The following MCF2L variants were observed in gnomAD, a reference collection of about 807,000 sequenced individuals.
MCF2L encodes the protein MCF.2 cell line derived transforming sequence like, also known as guanine nucleotide exchange factor DBS.
Under a neutral mutation model 153.4 loss-of-function variants are expected in MCF2L, and 97 were observed. That is an observed-to-expected ratio of 0.63 (90% CI 0.54 to 0.75). The LOEUF is 0.75. Ranked by LOEUF, MCF2L falls within the 30% of genes least tolerant of loss-of-function variation. MCF2L has a pLI of 0.00. For missense variants in MCF2L, 1,347 were observed against 1,495.2 expected, an observed-to-expected ratio of 0.90 and a Z score of 1.64; for synonymous variants, 659 against 632.2, an observed-to-expected ratio of 1.04 and a Z score of -0.64.
chr13:112,900,552 G>A (rs72660085), intron 1 of MCF2L, among the ~76,000 whole-genome samples: 3,267 of 152,240 alleles, frequency 0.021, 64 homozygotes, highest in East Asian at 0.047. Context: ...GGGTGGTCTC[G>A]AAGGCCTGTG....
intron 26 of MCF2L, chr13:113,090,072 C>T (rs2035055573): frequency 1.3e-6 from 2 of 1,557,746 alleles, no homozygotes; most frequent in Non-Finnish European, 8.7e-7. Context: ...TCATAGATGA[C>T]ACGGTCACTA....
chr13:113,017,164 G>GCA (rs1006322404), intron 2 of MCF2L, among the ~76,000 whole-genome samples: 1 of 152,234 alleles, frequency 6.6e-6, no homozygotes, highest in African/African-American at 2.4e-5. Flanking sequence ...ACCACGTCCA[G>GCA]CACTGCTGTG....
chr13:112,958,041 C>T (rs1002228038), intron 2 of MCF2L: 11 of 152,230 alleles, frequency 7.2e-5, no homozygotes, highest in African/African-American at 2.7e-4. Flanking sequence ...GACTCCCTTA[C>T]CTGGGACGTT....
intron 1 of MCF2L, among the ~76,000 whole-genome samples, chr13:113,005,069 C>G (rs532840240): frequency 6.6e-6 from 1 of 152,172 alleles, no homozygotes; most frequent in Admixed American, 6.5e-5. Context: ...CCAGCCCACA[C>G]GTGGAATCGA....
chr13:113,074,858 G>A lies in MCF2L; in HGVS notation c.1117-140G>A. ...GCCACAGAACAGCTTCGGGGATTAA[G>A]CAGCATCTCAGGCATCCGCAGCAGT... is the stretch of plus-strand genomic sequence containing the variant. On this transcript the variant is annotated intron_variant, in intron 10 of 29. Coordinates refer to ENST00000535094, the MANE Select transcript of MCF2L (RefSeq NM_001112732.3). This position sits in a 1 kb window ranked among gnomAD's most constrained non-coding sequence, Gnocchi z 4.2. The A allele has an allele frequency of 1.2e-6, 1 of 853,120 alleles. No individual in the cohort carries two copies. Among genetic ancestry groups the A allele is most frequent in the Non-Finnish European group, 1.8e-6 (1 of 554,504 alleles). 52.8% of individuals were successfully genotyped at this position (853,120 alleles called of 1,614,324 possible). A position where few individuals can be genotyped will look rare whatever the true frequency, so the allele number is the denominator to read the frequency against.
At chr13:113,037,342 G>A (rs2086217444) in intron 3 of MCF2L, among the ~76,000 whole-genome samples, 1 of 152,180 alleles carries the variant, frequency 6.6e-6, no homozygotes, top group Admixed American at 6.5e-5. Context: ...GGGGAAGCAG[G>A]GAATTGTAAC....
intron 1 of MCF2L, among the ~76,000 whole-genome samples, chr13:112,894,626 C>A (rs958153804): frequency 1.3e-5 from 2 of 152,084 alleles, no homozygotes; most frequent in African/African-American, 4.8e-5. Context: ...GCGGCCCCTG[C>A]CCAGCGTCCT....
upstream of MCF2L, chr13:112,968,642 C>A (rs146189548): frequency 4.0e-3 from 6,132 of 1,524,410 alleles, 281 homozygotes; most frequent in East Asian, 0.12. Flanking sequence ...GGGTGGCATG[C>A]GGCCACACGG....
intron 3 of MCF2L, chr13:113,042,680 G>A (rs2086576171): frequency 6.6e-6 from 1 of 152,274 alleles, no homozygotes; most frequent in Non-Finnish European, 1.5e-5. Context: ...TGGGCAGTGA[G>A]GCAGGAGCTT....
At chr13:112,905,393 A>G (rs1484657877) in intron 2 of MCF2L, among the ~76,000 whole-genome samples, 1 of 152,092 alleles carries the variant, frequency 6.6e-6, no homozygotes, top group African/African-American at 2.4e-5. Flanking sequence ...GGCACCAAAT[A>G]AGGAATAGAT....
chr13:113,002,538 C>T (rs1049847543), intron 1 of MCF2L, among the ~76,000 whole-genome samples: 3 of 152,286 alleles, frequency 2.0e-5, no homozygotes, highest in Middle Eastern at 3.4e-3. Flanking sequence ...CCTGTGGACC[C>T]GGCTGGGCGG....
chr13:113,054,107 A>G lies in MCF2L; in HGVS notation c.370-6486A>G, dbSNP rs564922732. On this transcript the variant is annotated intron_variant, in intron 4 of 29. Transcript: ENST00000535094. This position sits in a 1 kb window ranked among gnomAD's most constrained non-coding sequence, Gnocchi z 5.2. The stretch of plus-strand genomic sequence containing the variant: ...TGGGAGAGACGGCGAGCTCCCTCCC[A>G]TCAATCAATCAACAGACTGTCCTAT... Among the ~76,000 whole-genome samples the G allele has an allele frequency of 1.2e-3, 188 of 152,234 alleles. No individual in the cohort carries two copies. The highest frequency in any genetic ancestry group is 4.2e-3 in the African/African-American group (174 of 41,540).
chr13:112,971,572 C>A (rs189463034), intron 1 of MCF2L, among the ~76,000 whole-genome samples: 1 of 152,184 alleles, frequency 6.6e-6, no homozygotes, highest in Admixed American at 6.5e-5. Context: ...TGCTGCTGTC[C>A]AGGACATGCT....
chr13:113,078,949 C>A (rs937565745), intron 15 of MCF2L, among the ~76,000 whole-genome samples: 2 of 152,238 alleles, frequency 1.3e-5, no homozygotes, highest in African/African-American at 4.8e-5. Context: ...ACACACACGC[C>A]GCACACACAC....
intron 2 of MCF2L, chr13:112,917,128 C>T (rs1189839792): frequency 6.4e-6 from 3 of 471,180 alleles, no homozygotes; most frequent in Admixed American, 2.3e-5. Flanking sequence ...TCGGCGATCT[C>T]AGTCCCCTGG....
At chr13:113,056,679 AGTGTTTGGGTGCTGAGTG>A (rs2029891777) in intron 4 of MCF2L, among the ~76,000 whole-genome samples, 1 of 70,668 alleles carries the variant, frequency 1.4e-5, no homozygotes, top group Admixed American at 1.5e-4. Flanking sequence ...GTGGGTGCGG[AGTGTTTGGGTGCTGAGTG>A]TTTAGGTGCT....
chr13:113,090,749 A>C, intron 26 of MCF2L: 2 of 985,440 alleles, frequency 2.0e-6, no homozygotes, highest in Non-Finnish European at 2.4e-6. Context: ...CTTTCCAGAG[A>C]AGTAGGAGTG....
intron 4 of MCF2L, among the ~76,000 whole-genome samples, chr13:113,051,443 C>T (rs1340497624): frequency 6.6e-6 from 1 of 152,196 alleles, no homozygotes; most frequent in Non-Finnish European, 1.5e-5. Flanking sequence ...ATTTAAACGA[C>T]TGTCCTTCAT....
intron 1 of MCF2L, among the ~76,000 whole-genome samples, chr13:112,899,573 C>A (rs2081101087): frequency 6.6e-6 from 1 of 152,206 alleles, no homozygotes; most frequent in Non-Finnish European, 1.5e-5. Context: ...GTGTCCTTCA[C>A]CACGTGAGAG....
Sources: gnomAD v4.1 joint callset for allele counts (sites outside exome capture counted in the v4.1 genomes callset) on GRCh38, gnomAD v4.1.1 for gene constraint, Gnocchi (gnomAD v3.1) non-coding constraint, MANE v1.5 for transcripts, NCBI Gene and HGNC (gene_info 2026-07-23, HGNC 2026-07-21) for gene names.